PRKAR2A: variants seen among roughly 807,000 people sequenced by gnomAD.
The protein encoded by PRKAR2A is protein kinase cAMP-dependent type II regulatory subunit alpha, also known as cAMP-dependent protein kinase type II-alpha regulatory subunit.
Under a neutral mutation model 51.9 loss-of-function variants are expected in PRKAR2A, and 29 were observed. That is an observed-to-expected ratio of 0.56 (90% CI 0.42 to 0.76). PRKAR2A has a LOEUF of 0.76. Among genes scored for constraint, PRKAR2A ranks in the 30% least tolerant of loss-of-function variants. The pLI is 0.00. For synonymous variants in PRKAR2A, 178 were observed against 186.2 expected (o/e 0.96, Z 0.36); for missense variants, 445 against 512.1 (o/e 0.87, Z 1.26).
At chr3:48,752,052 G>T in intron 10 of PRKAR2A, 124 bp downstream of exon 10, 3 of 1,084,960 alleles carry the variant, frequency 2.8e-6, no homozygotes, top group Non-Finnish European at 3.9e-6. Flanking sequence ...ATCTCTGGTT[G>T]GTCACATAAA....
chr3:48,823,083 T>C (rs2082995598), intron 1 of PRKAR2A, among the ~76,000 whole-genome samples: 1 of 152,018 alleles, frequency 6.6e-6, no homozygotes, highest in Non-Finnish European at 1.5e-5. Flanking sequence ...TTTTTTTTTT[T>C]AACATAGAGA....
downstream of PRKAR2A, chr3:48,746,464 G>A (rs893662308): frequency 5.3e-5 from 8 of 151,732 alleles, no homozygotes; most frequent in African/African-American, 1.9e-4. Context: ...ATTTTCAAGG[G>A]CTCATACCCT....
At chr3:48,757,839 T>C (rs1440639679) in intron 8 of PRKAR2A, among the ~76,000 whole-genome samples, 3 of 152,116 alleles carry the variant, frequency 2.0e-5, no homozygotes, top group Non-Finnish European at 4.4e-5. Flanking sequence ...GTGGATCACC[T>C]GAGGTCAGGA....
chr3:48,840,086 C>T (rs1212907602), intron 1 of PRKAR2A, among the ~76,000 whole-genome samples: 2 of 152,148 alleles, frequency 1.3e-5, no homozygotes, highest in African/African-American at 2.4e-5. Flanking sequence ...AATTTAGCTA[C>T]TCTGGTTACC....
At chr3:48,792,989 GT>G (rs57029736) in intron 3 of PRKAR2A, among the ~76,000 whole-genome samples, 7,210 of 140,866 alleles carry the variant, frequency 0.051, 562 homozygotes, top group African/African-American at 0.17. Context: ...AAAACACTAA[GT>G]TTTTTTTTTT....
At chr3:48,807,229 C>G (rs542217533) in intron 2 of PRKAR2A, among the ~76,000 whole-genome samples, 1 of 152,164 alleles carries the variant, frequency 6.6e-6, no homozygotes, top group East Asian at 1.9e-4. Flanking sequence ...CTCTACAAAA[C>G]AAGACAGAAA....
chr3:48,810,499 A>C (rs939045482), intron 1 of PRKAR2A, among the ~76,000 whole-genome samples: 1 of 152,208 alleles, frequency 6.6e-6, no homozygotes, highest in African/African-American at 2.4e-5. Flanking sequence ...AGTACTTGAC[A>C]CAGCAAATTC....
chr3:48,745,487 C>CATTATTCCA (rs1321823527), downstream of PRKAR2A, among the ~76,000 whole-genome samples: 1 of 147,542 alleles, frequency 6.8e-6, no homozygotes, highest in Non-Finnish European at 1.5e-5. Flanking sequence ...TTTGATCCAA[C>CATTATTCCA]ATTATTCCAG....
At chr3:48,821,710 G>GT (rs2082963947) in intron 1 of PRKAR2A, among the ~76,000 whole-genome samples, 1 of 144,492 alleles carries the variant, frequency 6.9e-6, no homozygotes, top group Non-Finnish European at 1.5e-5. Flanking sequence ...GAGGTCAGGA[G>GT]TTTGAGACCA....
chr3:48,756,087 C>T (rs993821824), intron 9 of PRKAR2A, among the ~76,000 whole-genome samples: 13 of 152,062 alleles, frequency 8.5e-5, no homozygotes, highest in Admixed American at 1.3e-4. Context: ...GCCCCAGCCC[C>T]CATTTTCTAT....
At chr3:48,826,880 T>TAA (rs571847072) in intron 1 of PRKAR2A, among the ~76,000 whole-genome samples, 5 of 137,966 alleles carry the variant, frequency 3.6e-5, no homozygotes, top group African/African-American at 1.1e-4. Flanking sequence ...GTTGTAAATT[T>TAA]AAAAAAAAAA....
chr3:48,756,252 T>C (rs2081762078), intron 9 of PRKAR2A, 127 bp downstream of exon 9: 2 of 757,716 alleles, frequency 2.6e-6, no homozygotes, highest in Middle Eastern at 2.7e-4. Flanking sequence ...GGCTTAAACA[T>C]GGGTCTTTGC....
At chr3:48,752,425 G>A in intron 9 of PRKAR2A, 108 bp from the exon 10 acceptor site, 2 of 1,204,018 alleles carry the variant, frequency 1.7e-6, no homozygotes, top group Admixed American at 2.5e-5. Context: ...AATTACTGAG[G>A]AATTCACTTT....
intron 1 of PRKAR2A, among the ~76,000 whole-genome samples, chr3:48,829,871 ATTTTTT>A (rs763726926): frequency 3.5e-4 from 31 of 87,708 alleles, no homozygotes; most frequent in East Asian, 9.8e-4. Context: ...ATATATATAT[ATTTTTT>A]TTTTTTTTTT....
At chr3:48,787,312 A>T (rs2082311054) in intron 4 of PRKAR2A, among the ~76,000 whole-genome samples, 1 of 151,966 alleles carries the variant, frequency 6.6e-6, no homozygotes, top group African/African-American at 2.4e-5. Context: ...CAGCCTCTCA[A>T]GTAGCTGGGA....
intron 3 of PRKAR2A, 129 bp downstream of exon 3, chr3:48,793,868 T>G: frequency 1.2e-6 from 1 of 829,008 alleles, no homozygotes; most frequent in Non-Finnish European, 2.0e-6. Flanking sequence ...TTTGTTAGAT[T>G]AAAAATGTCA....
Position 48,847,665 on chromosome 3 carries a change from C to G in PRKAR2A, c.-69G>C. ...CCACTGTCTCCGCGCTCACTCACGCCGGCCTTTCGCTCCGCGCCCGCGAGG... is the reference window on the plus strand; with the variant it reads ...CCACTGTCTCCGCGCTCACTCACGCGGGCCTTTCGCTCCGCGCCCGCGAGG... On this transcript the variant is annotated 5_prime_UTR_variant, in exon 1 of 11. Transcript: ENST00000265563. This position sits in a 1 kb window ranked among gnomAD's most constrained non-coding sequence, Gnocchi z 4.4. 7.3e-7 allele frequency: 1 copy of G among 1,369,550 alleles called. No homozygotes were observed. The highest frequency in any genetic ancestry group is 9.4e-7 in the Non-Finnish European group (1 of 1,062,628). The allele number at this position is 1,369,550 out of a possible 1,614,324, so 84.8% of individuals were successfully genotyped here.
At chr3:48,845,429 T>G (rs983229188) in intron 1 of PRKAR2A, among the ~76,000 whole-genome samples, 2 of 152,210 alleles carry the variant, frequency 1.3e-5, no homozygotes, top group Non-Finnish European at 2.9e-5. Context: ...CTGCCGTGAC[T>G]TGAATACTGG....
At chr3:48,835,413 G>A (rs569233432) in intron 1 of PRKAR2A, among the ~76,000 whole-genome samples, 4 of 152,010 alleles carry the variant, frequency 2.6e-5, no homozygotes, top group Admixed American at 6.6e-5. Flanking sequence ...AGGCCAAGGC[G>A]GGCAGATCAT....
Sources: gnomAD v4.1 joint callset for allele counts (sites outside exome capture counted in the v4.1 genomes callset) on GRCh38, gnomAD v4.1.1 for gene constraint, Gnocchi (gnomAD v3.1) non-coding constraint, MANE v1.5 for transcripts, NCBI Gene and HGNC (gene_info 2026-07-23, HGNC 2026-07-21) for gene names.